The following NOS1AP variants were observed in gnomAD, a reference collection of about 807,000 sequenced individuals.
NOS1AP encodes nitric oxide synthase 1 adaptor protein, also known as carboxyl-terminal PDZ ligand of neuronal nitric oxide synthase protein.
In NOS1AP, 21 loss-of-function variants were observed where a neutral mutation model predicts 56.2. That is an observed-to-expected ratio of 0.37 (90% confidence interval 0.26 to 0.54). The LOEUF is 0.54. NOS1AP is among the 20% of genes least tolerant of loss of function. The pLI is 0.84. For missense variants in NOS1AP, 522 were observed against 657.8 expected, an observed-to-expected ratio of 0.79 and a Z score of 2.26; for synonymous variants, 270 against 274.6, an observed-to-expected ratio of 0.98 and a Z score of 0.17.
chr1:162,168,034 C>T (rs1352642254), intron 2 of NOS1AP, among the ~76,000 whole-genome samples: 1 of 150,540 alleles, frequency 6.6e-6, no homozygotes, highest in Admixed American at 6.6e-5. Context: ...AATAGCAAGT[C>T]TACATTGATG....
chr1:162,162,329 C>T (rs12071520), intron 2 of NOS1AP, among the ~76,000 whole-genome samples: 31,804 of 152,110 alleles, frequency 0.21, 3,543 homozygotes, highest in East Asian at 0.36. Flanking sequence ...AAGATTTTTG[C>T]GGTCGTTGGA....
intron 1 of NOS1AP, among the ~76,000 whole-genome samples, chr1:162,141,601 T>G (rs1649237468): frequency 6.6e-6 from 1 of 152,220 alleles, no homozygotes; most frequent in Non-Finnish European, 1.5e-5. Flanking sequence ...TCCGTCTCCT[T>G]TCACTGATCG....
chr1:162,075,271 T>G (rs1219970647), intron 1 of NOS1AP, among the ~76,000 whole-genome samples: 1 of 152,180 alleles, frequency 6.6e-6, no homozygotes, highest in Non-Finnish European at 1.5e-5. Flanking sequence ...AATGACCAAT[T>G]GTGGAAAGTC....
chr1:162,234,683 G>T (rs773239000), intron 2 of NOS1AP, among the ~76,000 whole-genome samples: 34 of 152,018 alleles, frequency 2.2e-4, no homozygotes, highest in Middle Eastern at 3.2e-3. Context: ...CTAATCTAAG[G>T]TTTCTATCAC....
intron 2 of NOS1AP, among the ~76,000 whole-genome samples, chr1:162,270,031 A>T (rs189053973): frequency 6.6e-6 from 1 of 152,346 alleles, no homozygotes; most frequent in Admixed American, 6.5e-5. Context: ...TAGCCATTAT[A>T]ATAAACAAAT....
Position 162,367,095 on chromosome 1 carries a change from A to G in NOS1AP, c.1149A>G (p.Gly383=), listed in dbSNP as rs1400934081. The change falls in exon 10 of 10, where the codon GGA becomes GGG. Residue 383 remains glycine (G), a synonymous_variant. Coordinates refer to ENST00000361897, the MANE Select transcript of NOS1AP (RefSeq NM_014697.3). The surrounding 1 kb of genome is among the most constrained non-coding windows in gnomAD (Gnocchi z 6.5). ...TGCTGGAGATCACCTTCCGCTCCGG[A>G]GCCCTGCCCGTGCTCTGTGACCCCA... ...DSLLEITFRS[G]ALPVLCDPTT... The G allele has an allele frequency of 6.2e-7, 1 of 1,613,812 alleles. No homozygotes were observed. Among genetic ancestry groups the G allele is most frequent in the Non-Finnish European group, 8.5e-7 (1 of 1,180,016 alleles).
At chr1:162,155,559 G>T (rs1004293639) in intron 2 of NOS1AP, among the ~76,000 whole-genome samples, 1 of 151,834 alleles carries the variant, frequency 6.6e-6, no homozygotes, top group Non-Finnish European at 1.5e-5. Context: ...TAGGCTCCGG[G>T]AGTGTAAGCG....
chr1:162,227,917 A>G (rs1164119285), intron 2 of NOS1AP, among the ~76,000 whole-genome samples: 1 of 152,206 alleles, frequency 6.6e-6, no homozygotes, highest in African/African-American at 2.4e-5. Flanking sequence ...CAGTCTGAAA[A>G]GTTTGAAAAG....
intron 3 of NOS1AP, among the ~76,000 whole-genome samples, chr1:162,298,961 G>A (rs185089271): frequency 2.6e-4 from 39 of 152,308 alleles, no homozygotes; most frequent in Admixed American, 1.8e-3. Flanking sequence ...TAAAAGTGCA[G>A]GTAGAATATG....
intron 1 of NOS1AP, among the ~76,000 whole-genome samples, chr1:162,145,730 C>A (rs577517239): frequency 1.3e-5 from 2 of 152,146 alleles, no homozygotes; most frequent in South Asian, 4.1e-4. Flanking sequence ...CAGGGACTAA[C>A]TCAGATGGGC....
intron 1 of NOS1AP, among the ~76,000 whole-genome samples, chr1:162,085,051 C>G (rs150811947): frequency 1.3e-5 from 2 of 152,220 alleles, no homozygotes; most frequent in Non-Finnish European, 2.9e-5. Flanking sequence ...CTTTCCTGGT[C>G]ATTTGGTTAG....
At chr1:162,268,128 G>A (rs1370678335) in intron 2 of NOS1AP, among the ~76,000 whole-genome samples, 7 of 151,908 alleles carry the variant, frequency 4.6e-5, no homozygotes, top group Non-Finnish European at 7.4e-5. Flanking sequence ...GCATGGTGGC[G>A]TGTGCCTGTA....
chr1:162,202,001 T>C (rs185382659), intron 2 of NOS1AP, among the ~76,000 whole-genome samples: 4 of 152,308 alleles, frequency 2.6e-5, no homozygotes, highest in Admixed American at 2.0e-4. Context: ...TACCCTATTC[T>C]ATGGGGGTGG....
At chr1:162,347,647 C>T (rs1657346655) in intron 6 of NOS1AP, among the ~76,000 whole-genome samples, 1 of 152,212 alleles carries the variant, frequency 6.6e-6, no homozygotes, top group Non-Finnish European at 1.5e-5. Flanking sequence ...TCTCTCCTTG[C>T]ACTTCTGGCC....
intron 2 of NOS1AP, among the ~76,000 whole-genome samples, chr1:162,277,732 G>A (rs1167835101): frequency 1.3e-5 from 2 of 152,180 alleles, no homozygotes; most frequent in Non-Finnish European, 2.9e-5. Context: ...CTTTTTCAAT[G>A]TATAACACAT....
Position 162,333,011 on chromosome 1 carries a change from C to T in NOS1AP, c.345-6C>T, listed in dbSNP as rs753905898. ...TCAGTGCATTTTTCTGTTGTTCTTC[C>T]TTTAGGATCTTCTATGTCTCTCATG... On this transcript the variant is annotated splice_region_variant and splice_polypyrimidine_tract_variant and intron_variant, in intron 4 of 9. Coordinates refer to ENST00000361897, the MANE Select transcript of NOS1AP (RefSeq NM_014697.3). 2.5e-6 allele frequency: 4 copies of T among 1,605,732 alleles called. No individual in the cohort carries two copies. The highest frequency in any genetic ancestry group is 3.4e-6 in the Non-Finnish European group (4 of 1,172,458).
At chr1:162,174,211 A>G (rs1650947407) in intron 2 of NOS1AP, among the ~76,000 whole-genome samples, 1 of 152,106 alleles carries the variant, frequency 6.6e-6, no homozygotes, top group African/African-American at 2.4e-5. Context: ...CATATACACC[A>G]TGGAATACTA....
chr1:162,157,173 C>T (rs971825181), intron 2 of NOS1AP: 7 of 154,362 alleles, frequency 4.5e-5, no homozygotes, highest in African/African-American at 1.4e-4. Context: ...TTTCCCTCAT[C>T]ATCTGCCAGC....
intron 2 of NOS1AP, among the ~76,000 whole-genome samples, chr1:162,160,786 A>G (rs570231998): frequency 6.6e-6 from 1 of 152,302 alleles, no homozygotes; most frequent in Admixed American, 6.5e-5. Context: ...CTGTGTTAGT[A>G]TGGCTCTATT....
Sources: allele counts gnomAD v4.1 joint callset (sites outside exome capture counted in the v4.1 genomes callset), GRCh38; gene constraint gnomAD v4.1.1; non-coding constraint Gnocchi (gnomAD v3.1); transcripts MANE v1.5; gene names NCBI Gene and HGNC (gene_info 2026-07-23, HGNC 2026-07-21).